CDH13: variants seen among roughly 807,000 people sequenced by gnomAD.
CDH13 encodes cadherin-13.
CDH13 carries 24 observed loss-of-function variants against 63.8 expected under a neutral mutation model. That is an observed-to-expected ratio of 0.38 (90% CI 0.27 to 0.53). The LOEUF is 0.53. Ranked by LOEUF, CDH13 falls within the 20% of genes least tolerant of loss-of-function variation. The probability of loss-of-function intolerance (pLI) is 0.85; values close to 1 mark genes in which losing one functional copy is unlikely to be tolerated. For synonymous variants in CDH13, 503 were observed against 355.3 expected, an observed-to-expected ratio of 1.42 and a Z score of -4.67; for missense variants, 1,049 against 903.1, an observed-to-expected ratio of 1.16 and a Z score of -2.07.
intron 4 of CDH13, among the ~76,000 whole-genome samples, chr16:83,179,104 G>C (rs2038244378): frequency 6.6e-6 from 1 of 152,192 alleles, no homozygotes; most frequent in African/African-American, 2.4e-5. Context: ...CAGAGCAAAT[G>C]TGGTGGTGGC....
chr16:83,518,927 T>G (rs2074764646), intron 7 of CDH13, among the ~76,000 whole-genome samples: 1 of 152,196 alleles, frequency 6.6e-6, no homozygotes, highest in Admixed American at 6.5e-5. Flanking sequence ...CTTCTTTTCT[T>G]TATAAATTAC....
At chr16:83,324,597 GC>G (rs1295439536) in intron 5 of CDH13, among the ~76,000 whole-genome samples, 1 of 152,088 alleles carries the variant, frequency 6.6e-6, no homozygotes, top group Non-Finnish European at 1.5e-5. Flanking sequence ...CCATTTTATA[GC>G]TGAGTAATAT....
chr16:82,996,081 G>A (rs574846072), intron 2 of CDH13, among the ~76,000 whole-genome samples: 3 of 152,052 alleles, frequency 2.0e-5, no homozygotes, highest in South Asian at 2.1e-4. Context: ...AAGGCTTACC[G>A]GGCAAAAGCA....
At chr16:82,874,883 C>T (rs959431944) in intron 2 of CDH13, among the ~76,000 whole-genome samples, 4 of 152,102 alleles carry the variant, frequency 2.6e-5, no homozygotes, top group Non-Finnish European at 5.9e-5. Context: ...ATAGGGAGGA[C>T]TGAACTTAGA....
At chr16:82,893,024 G>A (rs1486799929) in intron 2 of CDH13, among the ~76,000 whole-genome samples, 1 of 152,190 alleles carries the variant, frequency 6.6e-6, no homozygotes, top group Non-Finnish European at 1.5e-5. Context: ...TAAGAAATAT[G>A]CCTTTAATGA....
chr16:83,170,344 G>A (rs1243035241), intron 4 of CDH13, among the ~76,000 whole-genome samples: 1 of 152,120 alleles, frequency 6.6e-6, no homozygotes, highest in African/African-American at 2.4e-5. Flanking sequence ...GGATGTACAA[G>A]GTCAGGGGTG....
At chr16:83,285,999 G>C (rs893615027) in intron 5 of CDH13, among the ~76,000 whole-genome samples, 3 of 152,286 alleles carry the variant, frequency 2.0e-5, no homozygotes, top group Non-Finnish European at 1.5e-5. Context: ...GGTTTCAGAG[G>C]AGCAAAGAGC....
chr16:83,470,977 C>G lies in CDH13; in HGVS notation c.782-15500C>G, dbSNP rs1431213021. Reference sequence around the variant, plus strand: ...TGATTTTTCCAGCTTCTCGGGTCACCTGCACTCCTTGGCTCCTGACGCCTT... The same window carrying G: ...TGATTTTTCCAGCTTCTCGGGTCACGTGCACTCCTTGGCTCCTGACGCCTT... On this transcript the variant is annotated intron_variant, in intron 6 of 13. Transcript: ENST00000567109. 3.3e-5 allele frequency among the ~76,000 whole-genome samples: 5 copies of G among 152,216 alleles called. No homozygotes were observed. In the South Asian group the frequency reaches 6.2e-4, roughly 19 times the overall value.
chr16:83,064,267 G>A (rs541690995), intron 3 of CDH13, among the ~76,000 whole-genome samples: 2 of 152,258 alleles, frequency 1.3e-5, no homozygotes, highest in South Asian at 4.1e-4. Context: ...TATTCAAGAG[G>A]CTGAGATAGG....
intron 2 of CDH13, among the ~76,000 whole-genome samples, chr16:82,955,886 G>A (rs1412457277): frequency 6.6e-6 from 1 of 152,170 alleles, no homozygotes; most frequent in Non-Finnish European, 1.5e-5. Context: ...GACAAAGAAT[G>A]CCTTAGGTGT....
intron 2 of CDH13, among the ~76,000 whole-genome samples, chr16:82,918,379 G>A (rs2042055582): frequency 6.6e-6 from 1 of 152,136 alleles, no homozygotes; most frequent in South Asian, 2.1e-4. Flanking sequence ...GAGACATCCT[G>A]AAGATGAGAG....
At chr16:83,477,030 A>G (rs1290872688) in intron 6 of CDH13, among the ~76,000 whole-genome samples, 1 of 152,218 alleles carries the variant, frequency 6.6e-6, no homozygotes, top group Non-Finnish European at 1.5e-5. Flanking sequence ...AAAATGAATC[A>G]TGATGGGGGA....
chr16:83,016,650 A>G (rs1914827859), intron 2 of CDH13, among the ~76,000 whole-genome samples: 2 of 152,098 alleles, frequency 1.3e-5, no homozygotes, highest in Admixed American at 6.6e-5. Flanking sequence ...AAGGAGATCC[A>G]TTGTTGCCTT....
At chr16:82,647,512 C>A (rs11863510) in intron 1 of CDH13, among the ~76,000 whole-genome samples, 5,045 of 152,072 alleles carry the variant, frequency 0.033, 257 homozygotes, top group African/African-American at 0.11. Flanking sequence ...AGGTACTGCT[C>A]TGGGTGTCTG....
intron 5 of CDH13, among the ~76,000 whole-genome samples, chr16:83,229,471 TC>T (rs2039941008): frequency 6.6e-6 from 1 of 152,086 alleles, no homozygotes; most frequent in Non-Finnish European, 1.5e-5. Flanking sequence ...AAATATTCTC[TC>T]TTAAAATTTT....
At chr16:83,180,504 G>A (rs2038308049) in intron 4 of CDH13, among the ~76,000 whole-genome samples, 1 of 152,128 alleles carries the variant, frequency 6.6e-6, no homozygotes. Context: ...TCACCTTTTG[G>A]TGGTAGCTAA....
chr16:83,022,597 G>A lies in CDH13; in HGVS notation c.158-9413G>A, dbSNP rs79269090. On this transcript the variant is annotated intron_variant, in intron 2 of 13. Coordinates refer to ENST00000567109, the MANE Select transcript of CDH13 (RefSeq NM_001257.5). ...CTGCAAGTCCTTCTCTTCTGTGTGTGCGTATGAAGATCCTGGAGGTGGATC... is the reference window on the plus strand; with the variant it reads ...CTGCAAGTCCTTCTCTTCTGTGTGTACGTATGAAGATCCTGGAGGTGGATC... 8.3e-4 allele frequency among the ~76,000 whole-genome samples: 126 copies of A among 152,306 alleles called. No individual in the cohort carries two copies. The East Asian group carries it at 0.021, about 26-fold the overall frequency.
At chr16:83,136,942 A>G (rs2036316057) in intron 4 of CDH13, among the ~76,000 whole-genome samples, 1 of 152,252 alleles carries the variant, frequency 6.6e-6, no homozygotes, top group African/African-American at 2.4e-5. Flanking sequence ...CACAGCGGCC[A>G]GTTTCAAGCT....
At chr16:82,823,483 A>G (rs968324978) in intron 1 of CDH13, 41 of 152,216 alleles carry the variant, frequency 2.7e-4, no homozygotes, top group African/African-American at 9.4e-4. Context: ...TCTAAAATTC[A>G]AAAGTCAGAG....
Sources: allele counts gnomAD v4.1 joint callset (sites outside exome capture counted in the v4.1 genomes callset), GRCh38; gene constraint gnomAD v4.1.1; transcripts MANE v1.5; gene names NCBI Gene and HGNC (gene_info 2026-07-23, HGNC 2026-07-21).